TXLNB: variants seen among roughly 807,000 people sequenced by gnomAD.
TXLNB encodes the protein taxilin beta, also known as beta-taxilin.
Under a neutral mutation model 57.4 loss-of-function variants are expected in TXLNB, and 37 were observed. The observed-to-expected ratio is 0.64, with a 90% CI of 0.50 to 0.85. The LOEUF (loss-of-function observed/expected upper bound fraction) is 0.85. TXLNB is among the 40% of genes least tolerant of loss of function. The pLI is 0.00. For synonymous variants in TXLNB, 302 were observed against 309.6 expected (o/e 0.98, Z 0.26); for missense variants, 848 against 825.6 (o/e 1.03, Z -0.33).
the TXLNB span, among the ~76,000 whole-genome samples, chr6:139,187,910 T>C: frequency 6.6e-6 from 1 of 152,230 alleles, no homozygotes; most frequent in Admixed American, 6.5e-5. Flanking sequence ...TAAGTGTTTA[T>C]TGCAGTCACT....
At chr6:139,186,879 T>C in the TXLNB span, among the ~76,000 whole-genome samples, 1 of 152,322 alleles carries the variant, frequency 6.6e-6, no homozygotes, top group Non-Finnish European at 1.5e-5. Context: ...CCTGTATGAT[T>C]CCATTTATGT....
At chr6:139,192,267 G>A in the TXLNB span, among the ~76,000 whole-genome samples, 1 of 152,148 alleles carries the variant, frequency 6.6e-6, no homozygotes, top group Non-Finnish European at 1.5e-5. Flanking sequence ...AGTGCATCGA[G>A]GAAAATAAAA....
chr6:139,227,082 C>T, the TXLNB span, among the ~76,000 whole-genome samples: 1 of 151,968 alleles, frequency 6.6e-6, no homozygotes. Context: ...GTGGCTCATG[C>T]CTGTAATCCC....
At chr6:139,166,701 A>G in the TXLNB span, 21 of 1,612,164 alleles carry the variant, frequency 1.3e-5, no homozygotes, top group Non-Finnish European at 1.7e-5. Context: ...CCCCCAAATA[A>G]GCCCCAGAAA....
chr6:139,216,509 A>G, the TXLNB span, among the ~76,000 whole-genome samples: 93 of 151,074 alleles, frequency 6.2e-4, no homozygotes, highest in Middle Eastern at 3.4e-3. Context: ...TAGCATTAGG[A>G]GATATACCTA....
At chr6:139,186,370 C>T in the TXLNB span, among the ~76,000 whole-genome samples, 1 of 151,996 alleles carries the variant, frequency 6.6e-6, no homozygotes, top group African/African-American at 2.4e-5. Context: ...TGAACAAACA[C>T]GTTAACAGAA....
At chr6:139,318,511 G>C in the TXLNB span, among the ~76,000 whole-genome samples, 11 of 151,850 alleles carry the variant, frequency 7.2e-5, 1 homozygote, top group Non-Finnish European at 1.2e-4. Flanking sequence ...AAACATTCAA[G>C]AATCTCTATA....
chr6:139,190,019 C>G, the TXLNB span, among the ~76,000 whole-genome samples: 18 of 152,154 alleles, frequency 1.2e-4, no homozygotes, highest in African/African-American at 4.1e-4. Context: ...AATTTTCTTT[C>G]CTAGTTTTGT....
the TXLNB span, among the ~76,000 whole-genome samples, chr6:139,218,553 G>C: frequency 7.9e-4 from 120 of 152,190 alleles, no homozygotes; most frequent in African/African-American, 2.8e-3. Flanking sequence ...AGGAGTTCGA[G>C]ACCAGCCTGA....
chr6:139,247,753 C>A (rs143150867), intron 8 of TXLNB, 64 bp downstream of exon 8: 2 of 1,210,366 alleles, frequency 1.7e-6, no homozygotes, highest in Non-Finnish European at 2.4e-6. Context: ...AAAAGGAAAC[C>A]AAAGGAAATT....
At chr6:139,170,665 G>A in the TXLNB span, 1 of 152,224 alleles carries the variant, frequency 6.6e-6, no homozygotes, top group Non-Finnish European at 1.5e-5. Context: ...TCTAGAGTGG[G>A]AAAGGAGTAG....
chr6:139,174,421 G>C, the TXLNB span: 1 of 1,613,942 alleles, frequency 6.2e-7, no homozygotes, highest in Non-Finnish European at 8.5e-7. Context: ...TGCGTGGACT[G>C]CCTGGAAGGG....
At chr6:139,184,629 T>TG in the TXLNB span, among the ~76,000 whole-genome samples, 1 of 152,172 alleles carries the variant, frequency 6.6e-6, no homozygotes, top group East Asian at 1.9e-4. Context: ...TTTACTCACT[T>TG]GGGGATCTAG....
intron 4 of TXLNB, chr6:139,269,307 T>G (rs1776699584): frequency 6.6e-6 from 1 of 152,236 alleles, no homozygotes; most frequent in Admixed American, 6.5e-5. Context: ...GATTTAATTT[T>G]ATCTCCTTAC....
Position 139,242,917 on chromosome 6 carries a change from G to T in TXLNB, c.1664C>A (p.Pro555His). The T allele has an allele frequency of 6.2e-7, 1 of 1,614,140 alleles. No homozygotes were observed. Among genetic ancestry groups the T allele is most frequent in the Non-Finnish European group, 8.5e-7 (1 of 1,180,014 alleles). ...AGCCTGAGGAGTTAGGGGAGGCAGGGGACTCTCTGAATCCCGTGAAGGGAT... is the reference window on the plus strand; with the variant it reads ...AGCCTGAGGAGTTAGGGGAGGCAGGTGACTCTCTGAATCCCGTGAAGGGAT... ...PLIPSRDSES[P>H]LPPLTPQAEA... Residue 555 changes from proline (P) to histidine (H), a missense_variant, in exon 10 of 10, where the codon CCC (proline) becomes CAC (histidine). Physicochemically the swap from Pro to His is moderately conservative, Grantham distance 77 (BLOSUM62 -2). Transcript: ENST00000358430.
the TXLNB span, among the ~76,000 whole-genome samples, chr6:139,213,525 G>C: frequency 6.6e-6 from 1 of 152,034 alleles, no homozygotes; most frequent in Non-Finnish European, 1.5e-5. Context: ...AGAGAAAGCA[G>C]GAAAGATCTA....
the TXLNB span, chr6:139,170,514 G>A: frequency 6.6e-6 from 1 of 152,212 alleles, no homozygotes; most frequent in Non-Finnish European, 1.5e-5. Flanking sequence ...CTGGATCTTG[G>A]TAAGCAGAGG....
the TXLNB span, among the ~76,000 whole-genome samples, chr6:139,319,477 C>T: frequency 3.3e-5 from 5 of 151,700 alleles, no homozygotes; most frequent in African/African-American, 9.7e-5. Context: ...GACCACACCT[C>T]CTTTGTTAAA....
At chr6:139,316,461 T>A in the TXLNB span, among the ~76,000 whole-genome samples, 3 of 152,182 alleles carry the variant, frequency 2.0e-5, no homozygotes, top group African/African-American at 4.8e-5. Context: ...GCTAGTAATT[T>A]TTTTTTTCTT....
Sources: gnomAD v4.1 joint callset for allele counts (sites outside exome capture counted in the v4.1 genomes callset) on GRCh38, gnomAD v4.1.1 for gene constraint, MANE v1.5 for transcripts, NCBI Gene and HGNC (gene_info 2026-07-23, HGNC 2026-07-21) for gene names.